Variants in GNLY observed in about 807,000 individuals in gnomAD.
GNLY encodes the protein T-cell activation protein 519.
GNLY carries 15 observed loss-of-function variants against 18.5 expected under a neutral mutation model. The observed-to-expected ratio is 0.81, with a 90% CI of 0.54 to 1.25. GNLY has a LOEUF of 1.25. GNLY is among the 50% of genes most tolerant of loss of function. The pLI is 0.00. For synonymous variants in GNLY, 77 were observed against 74.9 expected (o/e 1.03, Z -0.14); for missense variants, 178 against 186.9 (o/e 0.95, Z 0.28).
At chr2:85,694,678 G>C in intron 1 of GNLY, 1 of 1,289,890 alleles carries the variant, frequency 7.8e-7, no homozygotes, top group Non-Finnish European at 1.0e-6. Context: ...CCAAGGAGGA[G>C]AGACAGGCCA....
At chr2:85,697,751 C>T (rs1165653205) in intron 4 of GNLY, 74 bp downstream of exon 4, 2 of 975,162 alleles carry the variant, frequency 2.1e-6, no homozygotes, top group Admixed American at 2.1e-5. Flanking sequence ...ATCAAAGCTG[C>T]CTCCTTACTC....
rs1261479455 is a variant in GNLY at position 85,694,383 on chromosome 2, A to G, written c.-36A>G. The G allele has an allele frequency of 6.2e-7, 1 of 1,603,504 alleles. No individual in the cohort carries two copies. The highest frequency in any genetic ancestry group is 2.2e-5 in the East Asian group (1 of 44,814). Reference sequence around the variant, plus strand: ...AAGCTGCAGGCTCCCTGCCCATAAAACAGGGTGTGAAAGGCATCTCAGCGG... The same window carrying G: ...AAGCTGCAGGCTCCCTGCCCATAAAGCAGGGTGTGAAAGGCATCTCAGCGG... On this transcript the variant is annotated 5_prime_UTR_variant, in exon 1 of 5. Coordinates refer to ENST00000263863, the MANE Select transcript of GNLY (RefSeq NM_006433.5).
At chr2:85,697,290 T>G (rs976059208) in intron 3 of GNLY, 2 of 559,878 alleles carry the variant, frequency 3.6e-6, no homozygotes, top group Middle Eastern at 4.8e-4. Flanking sequence ...CTAACTGTCC[T>G]TGTCTCAGGA....
At position 85,698,846 on chromosome 2, in the gene GNLY, T is replaced by C. The variant is rs1678572360; in HGVS notation, c.*272T>C. On this transcript the variant is annotated 3_prime_UTR_variant, in exon 5 of 5. Transcript: ENST00000263863. Reference sequence around the variant, plus strand: ...AGTCCTTCAATAAATGTCTGTCGTGTGTCCCATACACTGTTGTAGATGTTA... The same window carrying C: ...AGTCCTTCAATAAATGTCTGTCGTGCGTCCCATACACTGTTGTAGATGTTA... The C allele has an allele frequency of 7.1e-7, 1 of 1,414,988 alleles. No homozygotes were observed. Among genetic ancestry groups the C allele is most frequent in the East Asian group, 2.7e-5 (1 of 36,854 alleles). 87.7% of individuals were successfully genotyped at this position (1,414,988 alleles called of 1,614,324 possible). A position where few individuals can be genotyped will look rare whatever the true frequency, so the allele number is the denominator to read the frequency against.
intron 4 of GNLY, 41 bp from the exon 5 acceptor site, chr2:85,698,523 C>G (rs1678548286): frequency 6.2e-7 from 1 of 1,613,006 alleles, no homozygotes; most frequent in African/African-American, 1.3e-5. Context: ...CCTTGAGGAC[C>G]CACCACATCT....
At chr2:85,695,112 T>A (rs1290348463) in intron 1 of GNLY, 2 of 1,087,810 alleles carry the variant, frequency 1.8e-6, no homozygotes, top group African/African-American at 3.1e-5. Flanking sequence ...CTCCTGGCTT[T>A]CTAGAAGGAA....
At position 85,697,571 on chromosome 2, in the gene GNLY, CA is replaced by C. The variant is rs1678505707; in HGVS notation, c.322del (p.Arg108GlufsTer4). The part of the protein sequence containing the change: ...TGRSRWRDVC[R>X]NFMRRYQSRV... ...GGAGGTCACGATGGCGCGACGTCTGCAGAAATTTCATGAGGAGGTATCAGTC... is the reference window on the plus strand; with the variant it reads ...GGAGGTCACGATGGCGCGACGTCTGCGAAATTTCATGAGGAGGTATCAGTC... On this transcript the variant is annotated frameshift_variant, in exon 4 of 5. Coordinates refer to ENST00000263863, the MANE Select transcript of GNLY (RefSeq NM_006433.5). LOFTEE classifies it high-confidence loss of function. 2 of 1,613,298 alleles carry C rather than the reference CA, an allele frequency of 1.2e-6. No individual in the cohort carries two copies. Among genetic ancestry groups the C allele is most frequent in the African/African-American group, 1.3e-5 (1 of 75,022 alleles).
At chr2:85,697,252 T>G in intron 3 of GNLY, 1 of 470,390 alleles carries the variant, frequency 2.1e-6, no homozygotes, top group Non-Finnish European at 3.9e-6. Context: ...AGGGGACAGG[T>G]GCACAAGGCG....
chr2:85,695,434 G>T lies in GNLY; in HGVS notation c.156+11G>T. On this transcript the variant is annotated intron_variant, in intron 2 of 4. Coordinates refer to ENST00000263863, the MANE Select transcript of GNLY (RefSeq NM_006433.5). ...CAGGAGGGCCCCCAGGTACGTGTTGGCTCTCTGCTCACCTGCCACAGTCCC... is the reference window on the plus strand; with the variant it reads ...CAGGAGGGCCCCCAGGTACGTGTTGTCTCTCTGCTCACCTGCCACAGTCCC... 6.7e-7 allele frequency: 1 copy of T among 1,499,696 alleles called. No individual in the cohort carries two copies. Among genetic ancestry groups the T allele is most frequent in the Non-Finnish European group, 9.3e-7 (1 of 1,076,736 alleles). 92.9% of individuals were successfully genotyped at this position (1,499,696 alleles called of 1,614,324 possible).
intron 3 of GNLY, chr2:85,697,220 C>T (rs1678488763): frequency 1.0e-5 from 4 of 386,174 alleles, no homozygotes; most frequent in Non-Finnish European, 1.9e-5. Flanking sequence ...CAGCCATGGG[C>T]ACCATTCTCC....
intron 2 of GNLY, among the ~76,000 whole-genome samples, chr2:85,695,673 G>T (rs1573493398): frequency 6.6e-6 from 1 of 152,190 alleles, no homozygotes; most frequent in Non-Finnish European, 1.5e-5. Context: ...ACCCAAATAG[G>T]CAGACTCCCC....
At position 85,697,628 on chromosome 2, in the gene GNLY, A is replaced by G. The variant is rs745960053; in HGVS notation, c.378A>G (p.Glu126=). Reference sequence around the variant, plus strand: ...TTACCCAGGGCCTCGTGGCCGGAGAAACTGCCCAGCAGATCTGTGAGGACC... The same window carrying G: ...TTACCCAGGGCCTCGTGGCCGGAGAGACTGCCCAGCAGATCTGTGAGGACC... ...SRVTQGLVAG[E]TAQQICEDLR... Residue 126 remains glutamate (E), a synonymous_variant, in exon 4 of 5, where the codon GAA becomes GAG. Transcript: ENST00000263863. 1 of 1,613,786 alleles carries G rather than the reference A, an allele frequency of 6.2e-7. No homozygotes were observed. Among genetic ancestry groups the G allele is most frequent in the East Asian group, 2.2e-5 (1 of 44,882 alleles).
chr2:85,694,435 TC>T lies in GNLY; in HGVS notation c.19del (p.Leu7CysfsTer18). 1 of 1,614,114 alleles carries T rather than the reference TC, an allele frequency of 6.2e-7. No homozygotes were observed. The highest frequency in any genetic ancestry group is 8.5e-7 in the Non-Finnish European group (1 of 1,179,984). ...TGCCCCACCATGGCTACCTGGGCCCTCCTGCTCCTTGCAGCCATGCTCCTGG... is the reference window on the plus strand; with the variant it reads ...TGCCCCACCATGGCTACCTGGGCCCTCTGCTCCTTGCAGCCATGCTCCTGG... MATWALLLLAAMLLGN... is the reference protein window; with the variant it reads MATWAXLLLAAMLLGN... On this transcript the variant is annotated frameshift_variant, in exon 1 of 5. Coordinates refer to ENST00000263863, the MANE Select transcript of GNLY (RefSeq NM_006433.5). LOFTEE classifies it high-confidence loss of function.
chr2:85,694,813 C>T, intron 1 of GNLY: 8 of 1,458,342 alleles, frequency 5.5e-6, no homozygotes, highest in Non-Finnish European at 6.3e-6. Context: ...TCTGCGTTTC[C>T]TCGGGCCTAC....
At chr2:85,696,478 C>A (rs575185536) in intron 3 of GNLY, 1 of 163,206 alleles carries the variant, frequency 6.1e-6, no homozygotes, top group South Asian at 1.8e-4. Context: ...TTCTGAGCCT[C>A]TGTTATCTTA....
In GNLY at chr2:85,694,555, T is replaced by TG. The variant is rs1250835527; in HGVS notation, c.52+88dup. On this transcript the variant is annotated intron_variant, in intron 1 of 4. Transcript: ENST00000263863. Reference sequence around the variant, plus strand: ...GGCTGAACCTGGAGCTTGGACTCTGTGGGCACCCAGGTGCCCCTGCCTCCC... The same window carrying TG: ...GGCTGAACCTGGAGCTTGGACTCTGTGGGGCACCCAGGTGCCCCTGCCTCCC... The TG allele has an allele frequency of 3.6e-6, 5 of 1,398,056 alleles. No homozygotes were observed. In the East Asian group the frequency reaches 1.2e-4, roughly 33 times the overall value. The allele number at this position is 1,398,056 out of a possible 1,614,324, so 86.6% of individuals were successfully genotyped here.
At chr2:85,694,573 T>A in intron 1 of GNLY, 103 bp downstream of exon 1, 4 of 1,212,748 alleles carry the variant, frequency 3.3e-6, no homozygotes, top group Non-Finnish European at 4.7e-6. Flanking sequence ...CAGGTGCCCC[T>A]GCCTCCCCCC....
At chr2:85,698,516 T>C (rs368306833) in intron 4 of GNLY, 48 bp from the exon 5 acceptor site, 174 of 1,612,892 alleles carry the variant, frequency 1.1e-4, no homozygotes, top group Non-Finnish European at 1.4e-4. Context: ...TGCTTCTCCT[T>C]GAGGACCCAC....
rs2104447882 is a variant in GNLY, at chr2:85,697,523, T to C, written c.273T>C (p.Ala91=). Reference sequence around the variant, plus strand: ...TGCTGCAGAGAAGTGTTTCCAATGCTGCGACCCGGGTGTGTAGGACGGGGA... The same window carrying C: ...TGCTGCAGAGAAGTGTTTCCAATGCCGCGACCCGGGTGTGTAGGACGGGGA... ...DKPTQRSVSN[A]ATRVCRTGRS... Residue 91 remains alanine, a synonymous_variant, in exon 4 of 5, where the codon GCT becomes GCC. Transcript: ENST00000263863. 1.2e-6 allele frequency: 2 copies of C among 1,612,714 alleles called. No individual in the cohort carries two copies. The highest frequency in any genetic ancestry group is 4.1e-4 in the Middle Eastern group (2 of 4,896).
Sources: gnomAD v4.1 joint callset for allele counts (sites outside exome capture counted in the v4.1 genomes callset) on GRCh38, gnomAD v4.1.1 for gene constraint, MANE v1.5 for transcripts, NCBI Gene and HGNC (gene_info 2026-07-23, HGNC 2026-07-21) for gene names.